ADAMTSL3: variants seen among roughly 807,000 people sequenced by gnomAD.
ADAMTSL3 encodes the protein ADAMTS-like protein 3.
A neutral mutation model predicts 201.7 loss-of-function variants in ADAMTSL3; 128 were observed. The observed-to-expected ratio is 0.63, with a 90% CI of 0.55 to 0.73. ADAMTSL3 has a LOEUF of 0.73. Ranked by LOEUF, ADAMTSL3 falls within the 30% of genes least tolerant of loss-of-function variation. The pLI, the probability that ADAMTSL3 is intolerant of heterozygous loss-of-function variation, is 0.00. For missense variants in ADAMTSL3, 1,990 were observed against 2,119.6 expected (o/e 0.94, Z 1.20); for synonymous variants, 738 against 748.4 (o/e 0.99, Z 0.23).
chr15:83,788,649 T>C (rs1316701322), intron 4 of ADAMTSL3, among the ~76,000 whole-genome samples: 1 of 152,192 alleles, frequency 6.6e-6, no homozygotes. Context: ...TTTCCCCCAG[T>C]GTTCTGAAAT....
Position 84,036,983 on chromosome 15 carries a change from T to C in ADAMTSL3, c.4965T>C (p.Cys1655=). 1 of 1,613,896 alleles carries C rather than the reference T, an allele frequency of 6.2e-7. No homozygotes were observed. Among genetic ancestry groups the C allele is most frequent in the South Asian group, 1.1e-5 (1 of 91,024 alleles). ...ISWRHCLGPS[C]DRDCTDTTHY... Reference sequence around the variant, plus strand: ...GGCGGCACTGTCTTGGGCCCTCCTGTGATAGTACGTACACCTCCCAGGTAT... The same window carrying C: ...GGCGGCACTGTCTTGGGCCCTCCTGCGATAGTACGTACACCTCCCAGGTAT... Residue 1655 remains cysteine, a synonymous_variant, in exon 29 of 30, where the codon TGT becomes TGC. Transcript: ENST00000286744.
At chr15:83,906,615 CCACACACCACACACACACACACA>C (rs1305853556) in intron 15 of ADAMTSL3, among the ~76,000 whole-genome samples, 3,757 of 142,480 alleles carry the variant, frequency 0.026, 183 homozygotes, top group African/African-American at 0.077. Flanking sequence ...TTATATAGTG[CCACACACCACACACACACACACA>C]CACACACACA....
At chr15:83,780,092 G>A (rs2063142595) in intron 4 of ADAMTSL3, among the ~76,000 whole-genome samples, 1 of 152,094 alleles carries the variant, frequency 6.6e-6, no homozygotes, top group East Asian at 1.9e-4. Context: ...AACTGAAGGA[G>A]ATTGAGAGAC....
At chr15:83,808,906 C>A (rs1242263571) in intron 5 of ADAMTSL3, among the ~76,000 whole-genome samples, 2 of 135,662 alleles carry the variant, frequency 1.5e-5, no homozygotes, top group Admixed American at 7.5e-5. Context: ...CTCATTCATA[C>A]GTGGAATCCA....
At chr15:84,033,000 A>G (rs779083078) in intron 28 of ADAMTSL3, among the ~76,000 whole-genome samples, 27 of 152,284 alleles carry the variant, frequency 1.8e-4, no homozygotes, top group Non-Finnish European at 3.5e-4. Context: ...ATTTTTGCCA[A>G]TCTGATGGAT....
chr15:83,664,299 C>T (rs905031628), intron 2 of ADAMTSL3, among the ~76,000 whole-genome samples: 2 of 151,512 alleles, frequency 1.3e-5, no homozygotes, highest in African/African-American at 4.9e-5. Flanking sequence ...TCAAGGTTCC[C>T]TCCAAAGTGG....
chr15:83,912,377 C>T (rs1596395233), intron 15 of ADAMTSL3, among the ~76,000 whole-genome samples: 3 of 152,198 alleles, frequency 2.0e-5, no homozygotes, highest in African/African-American at 7.2e-5. Context: ...TTTCTGCCAA[C>T]CATTTAAAAA....
At chr15:83,858,198 G>C (rs1276457958) in intron 7 of ADAMTSL3, among the ~76,000 whole-genome samples, 1 of 152,200 alleles carries the variant, frequency 6.6e-6, no homozygotes, top group Non-Finnish European at 1.5e-5. Context: ...ATTTGGCCCA[G>C]GGGCCACAGT....
rs564577313 is a variant in ADAMTSL3 at position 83,853,173 on chromosome 15, A to G, written c.728-5593A>G. Among the ~76,000 whole-genome samples the G allele has an allele frequency of 1.6e-4, 24 of 152,298 alleles. No individual in the cohort carries two copies. The South Asian group carries it at 3.9e-3, about 25-fold the overall frequency. ...CGCAGCCGGTTGTGCCCATTTTTTA[A>G]AAGTTCATTCCAACATATTCTATCT... On this transcript the variant is annotated intron_variant, in intron 7 of 29. Transcript: ENST00000286744.
chr15:83,917,094 A>G (rs967044094), intron 16 of ADAMTSL3, among the ~76,000 whole-genome samples: 1 of 152,242 alleles, frequency 6.6e-6, no homozygotes, highest in African/African-American at 2.4e-5. Context: ...TAAGTCTGCA[A>G]TGACTGACAA....
At chr15:83,850,217 A>G (rs1400852747) in intron 7 of ADAMTSL3, among the ~76,000 whole-genome samples, 2 of 151,834 alleles carry the variant, frequency 1.3e-5, no homozygotes, top group Admixed American at 6.6e-5. Flanking sequence ...CTTCCTTTCC[A>G]AGACTAATTA....
chr15:83,879,040 T>G (rs1474925104), intron 9 of ADAMTSL3, among the ~76,000 whole-genome samples: 1 of 152,232 alleles, frequency 6.6e-6, no homozygotes, highest in African/African-American at 2.4e-5. Context: ...TTTAAAAAGC[T>G]ATTGGCATAC....
intron 15 of ADAMTSL3, 34 bp downstream of exon 15, chr15:83,899,765 G>A (rs2065687913): frequency 1.9e-6 from 3 of 1,594,774 alleles, no homozygotes; most frequent in East Asian, 2.3e-5. Context: ...AATAATCAGG[G>A]CATAGCCAGT....
chr15:83,666,904 A>G (rs1036674595), intron 2 of ADAMTSL3, among the ~76,000 whole-genome samples: 2 of 151,768 alleles, frequency 1.3e-5, no homozygotes, highest in African/African-American at 4.8e-5. Context: ...TGTATGCCCC[A>G]TTTTTCTATG....
At position 83,704,148 on chromosome 15, in the gene ADAMTSL3, T is replaced by C. The variant is rs572485780; in HGVS notation, c.70-241T>C. ...TAGCGGGGAGGGGGAGAGAGGCAGG[T>C]GTCAGAGAATAAATGCCATGGCTGC... On this transcript the variant is annotated intron_variant, in intron 2 of 29. Coordinates refer to ENST00000286744, the MANE Select transcript of ADAMTSL3 (RefSeq NM_207517.3). Among the ~76,000 whole-genome samples the C allele has an allele frequency of 9.9e-5, 15 of 152,132 alleles. No individual in the cohort carries two copies. The South Asian group carries it at 3.1e-3, about 32-fold the overall frequency.
intron 2 of ADAMTSL3, among the ~76,000 whole-genome samples, chr15:83,666,263 G>T (rs1249601075): frequency 6.6e-6 from 1 of 152,074 alleles, no homozygotes; most frequent in East Asian, 1.9e-4. Context: ...ATTTGGATGT[G>T]TCATGCTTTA....
chr15:83,868,972 G>T (rs528101852), intron 8 of ADAMTSL3, among the ~76,000 whole-genome samples: 30 of 152,140 alleles, frequency 2.0e-4, no homozygotes, highest in African/African-American at 7.0e-4. Flanking sequence ...TACACCCCTT[G>T]CCCCAATTCT....
intron 23 of ADAMTSL3, among the ~76,000 whole-genome samples, chr15:84,013,530 A>T (rs1005438109): frequency 6.6e-6 from 1 of 152,178 alleles, no homozygotes; most frequent in Non-Finnish European, 1.5e-5. Context: ...GGTCAGGTGC[A>T]GTGGGAGGCT....
At chr15:83,811,601 C>T (rs984456996) in intron 5 of ADAMTSL3, among the ~76,000 whole-genome samples, 5 of 152,232 alleles carry the variant, frequency 3.3e-5, no homozygotes, top group Admixed American at 1.3e-4. Context: ...CTGAAGCTCT[C>T]TGGGCCTTGG....
Sources: gnomAD v4.1 joint callset for allele counts (sites outside exome capture counted in the v4.1 genomes callset) on GRCh38, gnomAD v4.1.1 for gene constraint, MANE v1.5 for transcripts, NCBI Gene and HGNC (gene_info 2026-07-23, HGNC 2026-07-21) for gene names.